Variants in CPEB3 observed in about 807,000 individuals in gnomAD.
CPEB3 encodes cytoplasmic polyadenylation element-binding protein 3.
In CPEB3, 20 loss-of-function variants were observed where a neutral mutation model predicts 67.2. The ratio of observed to expected loss-of-function variants is 0.30; its 90% CI spans 0.21 to 0.43. The LOEUF is 0.43. Ranked by LOEUF, CPEB3 falls within the 20% of genes least tolerant of loss-of-function variation. The pLI is 1.00. For synonymous variants in CPEB3, 376 were observed against 393.1 expected (o/e 0.96, Z 0.51); for missense variants, 746 against 968.6 (o/e 0.77, Z 3.05).
At chr10:92,121,838 A>G (rs112484598) in intron 6 of CPEB3, among the ~76,000 whole-genome samples, 1 of 152,184 alleles carries the variant, frequency 6.6e-6, no homozygotes, top group African/African-American at 2.4e-5. Context: ...CAAGCTTCCT[A>G]TTACCAGTGA....
intron 2 of CPEB3, among the ~76,000 whole-genome samples, chr10:92,220,222 A>G (rs1275832893): frequency 2.0e-5 from 3 of 152,190 alleles, no homozygotes; most frequent in African/African-American, 7.2e-5. Context: ...GTATGAAAGT[A>G]AAATTTAAAA....
At chr10:92,193,864 T>C (rs1849103098) in intron 2 of CPEB3, among the ~76,000 whole-genome samples, 1 of 151,474 alleles carries the variant, frequency 6.6e-6, no homozygotes, top group Non-Finnish European at 1.5e-5. Context: ...TGGCGCAATC[T>C]TGGCTCACTG....
intron 6 of CPEB3, among the ~76,000 whole-genome samples, chr10:92,131,036 T>C (rs973476935): frequency 2.6e-5 from 4 of 152,208 alleles, no homozygotes; most frequent in African/African-American, 4.8e-5. Context: ...CAAATATCTT[T>C]AGGCTCTGCC....
intron 7 of CPEB3, among the ~76,000 whole-genome samples, chr10:92,098,852 A>C (rs961957986): frequency 2.0e-5 from 3 of 148,906 alleles, no homozygotes; most frequent in Non-Finnish European, 4.4e-5. Flanking sequence ...GCTCACTGCA[A>C]CCTCCATCTC....
intron 2 of CPEB3, among the ~76,000 whole-genome samples, chr10:92,207,070 C>A (rs964293289): frequency 2.6e-5 from 4 of 152,128 alleles, no homozygotes; most frequent in Middle Eastern, 6.8e-3. Flanking sequence ...ATAGTCTGGA[C>A]CTTCCAGGCT....
intron 9 of CPEB3, among the ~76,000 whole-genome samples, chr10:92,079,352 T>C (rs528999563): frequency 2.0e-5 from 3 of 152,226 alleles, no homozygotes; most frequent in Admixed American, 2.0e-4. Flanking sequence ...AGCATGCCCA[T>C]CTTTGTGGAG....
intron 4 of CPEB3, among the ~76,000 whole-genome samples, chr10:92,174,835 ATC>A (rs1848153168): frequency 6.6e-6 from 1 of 152,160 alleles, no homozygotes; most frequent in Non-Finnish European, 1.5e-5. Context: ...ACAATATTGA[ATC>A]TCTGTTATAT....
chr10:92,264,584 C>G (rs1054169013), intron 1 of CPEB3, among the ~76,000 whole-genome samples: 1 of 151,794 alleles, frequency 6.6e-6, no homozygotes, highest in African/African-American at 2.4e-5. Context: ...GGCATGGTGG[C>G]GCAAGCCTGT....
At chr10:92,106,814 CAAAAAAAAAAAAA>C (rs531195477) in intron 7 of CPEB3, among the ~76,000 whole-genome samples, 8 of 55,986 alleles carry the variant, frequency 1.4e-4, no homozygotes, top group South Asian at 2.4e-3. Context: ...GACTCTGTCT[CAAAAAAAAAAAAA>C]AAAAAAAAAA....
intron 4 of CPEB3, among the ~76,000 whole-genome samples, chr10:92,173,285 C>T (rs1180493401): frequency 2.0e-5 from 3 of 152,138 alleles, no homozygotes; most frequent in Non-Finnish European, 4.4e-5. Context: ...CAGTTTTCTG[C>T]ATCTTCCTTA....
chr10:92,215,442 G>A (rs541433865), intron 2 of CPEB3, among the ~76,000 whole-genome samples: 7 of 149,270 alleles, frequency 4.7e-5, no homozygotes, highest in Non-Finnish European at 7.4e-5. Context: ...ATGAGTCACT[G>A]CACCTGGCTT....
intron 2 of CPEB3, among the ~76,000 whole-genome samples, chr10:92,206,454 G>A (rs1002799434): frequency 4.6e-5 from 7 of 152,034 alleles, no homozygotes; most frequent in African/African-American, 1.7e-4. Context: ...TTCGTTTTGA[G>A]ACAGGGTCTC....
At chr10:92,176,541 AATG>A (rs2134054927) in intron 4 of CPEB3, among the ~76,000 whole-genome samples, 2 of 152,350 alleles carry the variant, frequency 1.3e-5, no homozygotes, top group African/African-American at 4.8e-5. Flanking sequence ...CCTAGAACTG[AATG>A]ATACTATTCC....
chr10:92,084,083 T>C (rs957567607), intron 8 of CPEB3, among the ~76,000 whole-genome samples: 9 of 146,142 alleles, frequency 6.2e-5, no homozygotes, highest in Non-Finnish European at 1.2e-4. Flanking sequence ...GAGAATGGCA[T>C]GAACCTGGGA....
At chr10:92,233,516 G>A (rs1388009839) in intron 2 of CPEB3, among the ~76,000 whole-genome samples, 4 of 142,014 alleles carry the variant, frequency 2.8e-5, no homozygotes, top group East Asian at 2.1e-4. Context: ...CAGCTTGGGC[G>A]ACAGATTCTG....
chr10:92,116,878 C>T (rs541856076), intron 6 of CPEB3, among the ~76,000 whole-genome samples: 10 of 152,264 alleles, frequency 6.6e-5, no homozygotes, highest in Admixed American at 5.9e-4. Flanking sequence ...AAGGGTAGAA[C>T]ACTGAGGGAT....
At chr10:92,054,528 C>A (rs992607532) in intron 9 of CPEB3, among the ~76,000 whole-genome samples, 4 of 152,052 alleles carry the variant, frequency 2.6e-5, no homozygotes, top group African/African-American at 7.2e-5. Flanking sequence ...CAACCTCCAC[C>A]TCCCAGGTTC....
intron 3 of CPEB3, among the ~76,000 whole-genome samples, chr10:92,188,403 TC>T (rs1435444086): frequency 3.4e-5 from 5 of 146,740 alleles, no homozygotes; most frequent in Admixed American, 3.4e-4. Context: ...TAGTTTGGGA[TC>T]TTTAAAAAGC....
chr10:92,117,482 A>G (rs1272583529), intron 6 of CPEB3, among the ~76,000 whole-genome samples: 1 of 149,584 alleles, frequency 6.7e-6, no homozygotes, highest in Non-Finnish European at 1.5e-5. Context: ...GGTGCCTGCC[A>G]CCACACCCGG....
Sources: gnomAD v4.1 joint callset for allele counts (sites outside exome capture counted in the v4.1 genomes callset) on GRCh38, gnomAD v4.1.1 for gene constraint, MANE v1.5 for transcripts, NCBI Gene and HGNC (gene_info 2026-07-23, HGNC 2026-07-21) for gene names.